The following MED13L variants were observed in gnomAD, a reference collection of about 807,000 sequenced individuals.
MED13L encodes the protein mediator complex subunit 13L, also known as mediator of RNA polymerase II transcription subunit 13-like.
MED13L carries 7 observed loss-of-function variants against 220.9 expected under a neutral mutation model. The observed-to-expected ratio is 0.03, with a 90% CI of 0.02 to 0.06. The LOEUF is 0.06. Among genes scored for constraint, MED13L ranks in the 10% least tolerant of loss-of-function variants. MED13L has a pLI of 1.00. For missense variants in MED13L, 1,965 were observed against 2,760.5 expected, an observed-to-expected ratio of 0.71 and a Z score of 6.46; for synonymous variants, 1,011 against 1,015.2, an observed-to-expected ratio of 1.00 and a Z score of 0.08.
At chr12:116,145,432 T>C (rs1461630674) in intron 2 of MED13L, among the ~76,000 whole-genome samples, 1 of 152,182 alleles carries the variant, frequency 6.6e-6, no homozygotes, top group Non-Finnish European at 1.5e-5. Context: ...TTCTAGGCTT[T>C]CCTGCTTCTA....
At chr12:116,251,440 G>A (rs970326267) in intron 1 of MED13L, among the ~76,000 whole-genome samples, 6 of 143,694 alleles carry the variant, frequency 4.2e-5, no homozygotes, top group Admixed American at 1.4e-4. Context: ...GATTACAGGC[G>A]TGAGGGATCC....
At chr12:116,051,997 C>T (rs1361152562) in intron 4 of MED13L, among the ~76,000 whole-genome samples, 2 of 152,064 alleles carry the variant, frequency 1.3e-5, no homozygotes, top group Non-Finnish European at 2.9e-5. Context: ...CTAGCTTGCC[C>T]TTCATTTCTA....
chr12:116,177,474 C>T (rs1270003030), intron 2 of MED13L, among the ~76,000 whole-genome samples: 1 of 152,146 alleles, frequency 6.6e-6, no homozygotes, highest in Non-Finnish European at 1.5e-5. Flanking sequence ...CTGTGTCTCC[C>T]CAATGAAATA....
intron 26 of MED13L, among the ~76,000 whole-genome samples, chr12:115,971,365 G>A (rs189625851): frequency 6.6e-6 from 1 of 152,240 alleles, no homozygotes; most frequent in Non-Finnish European, 1.5e-5. Context: ...GTCTCTCACT[G>A]GATTGATGAC....
intron 2 of MED13L, among the ~76,000 whole-genome samples, chr12:116,176,244 G>A (rs1481922379): frequency 1.3e-5 from 2 of 152,108 alleles, no homozygotes; most frequent in Non-Finnish European, 2.9e-5. Context: ...GTAGAACAGG[G>A]ATAATAGCAG....
intron 2 of MED13L, among the ~76,000 whole-genome samples, chr12:116,165,259 C>CTTTTTTTTTTT (rs34196219): frequency 1.9e-4 from 14 of 74,492 alleles, no homozygotes; most frequent in African/African-American, 1.8e-4. Context: ...AGGCACCATC[C>CTTTTTTTTTTT]TTTTTTTTTT....
intron 4 of MED13L, among the ~76,000 whole-genome samples, chr12:116,045,310 C>G (rs1312852633): frequency 1.3e-5 from 2 of 152,116 alleles, no homozygotes; most frequent in African/African-American, 4.8e-5. Context: ...AGTACTGAGT[C>G]CCCCTGGCTG....
chr12:115,982,392 T>C lies in MED13L; in HGVS notation c.5167A>G (p.Ile1723Val), dbSNP rs752182156. 3.1e-6 allele frequency: 5 copies of C among 1,611,002 alleles called. No homozygotes were observed. In the African/African-American group the frequency reaches 5.3e-5, roughly 17 times the overall value. ...NLPEHMRNSF[I>V]LQIVPCQYML... is the part of the protein sequence containing the mutation. ...AACTTGCAAACAGTAACCTGGAGAA[T>C]GAAAGAATTTCTCATATGCTCAGGT... Residue 1723 changes from isoleucine (I) to valine (V), a missense_variant, in exon 22 of 31, where the codon ATT becomes GTT. Physicochemically the swap from Ile to Val is conservative, Grantham distance 29. This residue lies in a region of MED13L where 510 missense variants were observed against 620.4 expected (regional missense o/e 0.82). Coordinates refer to ENST00000281928, the MANE Select transcript of MED13L (RefSeq NM_015335.5).
chr12:116,023,512 T>A (rs1426536326), intron 4 of MED13L, among the ~76,000 whole-genome samples: 2 of 152,184 alleles, frequency 1.3e-5, no homozygotes, highest in Non-Finnish European at 2.9e-5. Context: ...TTTTCAAAAC[T>A]TCTCTAAAGT....
intron 1 of MED13L, among the ~76,000 whole-genome samples, chr12:116,253,905 G>A (rs930426347): frequency 4.6e-5 from 7 of 151,738 alleles, no homozygotes; most frequent in African/African-American, 1.5e-4. Context: ...GATTACAGGC[G>A]TGTGCCACCA....
chr12:116,136,663 G>C (rs991634847), intron 2 of MED13L, among the ~76,000 whole-genome samples: 1 of 152,112 alleles, frequency 6.6e-6, no homozygotes, highest in Non-Finnish European at 1.5e-5. Context: ...AGAAACCTGC[G>C]TTCAAGTAAA....
intron 1 of MED13L, among the ~76,000 whole-genome samples, chr12:116,238,421 A>G (rs1407343220): frequency 1.3e-5 from 2 of 152,260 alleles, no homozygotes; most frequent in South Asian, 2.1e-4. Flanking sequence ...ACATACGTTT[A>G]TATTTCAAGA....
intron 16 of MED13L, among the ~76,000 whole-genome samples, chr12:115,992,334 G>A (rs1878118256): frequency 6.6e-6 from 1 of 152,092 alleles, no homozygotes. Context: ...CATAAGTGCA[G>A]ACACTAAATT....
chr12:116,207,799 A>G (rs757901481), intron 2 of MED13L, among the ~76,000 whole-genome samples: 2 of 152,114 alleles, frequency 1.3e-5, no homozygotes, highest in Non-Finnish European at 2.9e-5. Flanking sequence ...AAAAAAAGAC[A>G]TGCGTCTAAG....
chr12:116,144,274 G>A (rs980292068), intron 2 of MED13L, among the ~76,000 whole-genome samples: 1 of 152,108 alleles, frequency 6.6e-6, no homozygotes, highest in Non-Finnish European at 1.5e-5. Context: ...TCCTAATTTT[G>A]GATGAGAAGT....
chr12:116,109,222 C>T (rs1253129785), intron 3 of MED13L, among the ~76,000 whole-genome samples: 1 of 151,796 alleles, frequency 6.6e-6, no homozygotes, highest in Non-Finnish European at 1.5e-5. Context: ...AGGAGCACAC[C>T]ATCATGCTCA....
In MED13L at chr12:116,181,844, A is replaced by T. The variant is rs148586472; in HGVS notation, c.310+55624T>A. Among the ~76,000 whole-genome samples, 58 of 152,332 alleles carry T rather than the reference A, an allele frequency of 3.8e-4. No individual in the cohort carries two copies. The East Asian group carries it at 9.2e-3, about 24-fold the overall frequency. On this transcript the variant is annotated intron_variant, in intron 2 of 30. Transcript: ENST00000281928. ...TAACTAATGATTGTGAGCTGCAACA[A>T]AATGGGAGAAACCTTAAGATTACAT...
chr12:116,210,381 T>C (rs12369451), intron 2 of MED13L, among the ~76,000 whole-genome samples: 1,884 of 152,052 alleles, frequency 0.012, 23 homozygotes, highest in Admixed American at 0.018. Context: ...GCAAATGGTA[T>C]GCATAATATT....
At position 116,275,158 on chromosome 12, in the gene MED13L, C is replaced by A. The variant is rs556002041; in HGVS notation, c.72+1902G>T. Among the ~76,000 whole-genome samples, 6 of 152,120 alleles carry A rather than the reference C, an allele frequency of 3.9e-5. No individual in the cohort carries two copies. The East Asian group carries it at 1.2e-3, about 29-fold the overall frequency. ...GGTTATTTTAATTACCTGTAAGTGT[C>A]AATGTGGTCACCAGTAACCACACAA... is the stretch of plus-strand genomic sequence containing the variant. On this transcript the variant is annotated intron_variant, in intron 1 of 30. Transcript: ENST00000281928.
Sources: gnomAD v4.1 joint callset for allele counts (sites outside exome capture counted in the v4.1 genomes callset) on GRCh38, gnomAD v4.1.1 for gene constraint, gnomAD v4.1.1 regional missense constraint, MANE v1.5 for transcripts, NCBI Gene and HGNC (gene_info 2026-07-23, HGNC 2026-07-21) for gene names.